The following OR4E2 variants were observed in gnomAD, a reference collection of about 807,000 sequenced individuals.
The protein encoded by OR4E2 is olfactory receptor family 4 subfamily E member 2.
Under a neutral mutation model 11.0 loss-of-function variants are expected in OR4E2, and 9 were observed. The ratio of observed to expected loss-of-function variants is 0.82; its 90% confidence interval spans 0.49 to 1.43. The LOEUF (loss-of-function observed/expected upper bound fraction) is 1.43. OR4E2 is among the 40% of genes most tolerant of loss of function. The pLI is 0.00. For synonymous variants in OR4E2, 159 were observed against 147.3 expected (o/e 1.08, Z -0.57); for missense variants, 441 against 382.0 (o/e 1.15, Z -1.29).
intron 2 of OR4E2, among the ~76,000 whole-genome samples, chr14:21,657,405 C>CCTTT (rs1199005843): frequency 4.8e-4 from 64 of 132,306 alleles, no homozygotes; most frequent in African/African-American, 1.2e-3. Flanking sequence ...TTCCTTCCTT[C>CCTTT]CTTTCTTTCT....
chr14:21,661,343 T>A lies in OR4E2; in HGVS notation c.-9+597T>A, dbSNP rs1880312198. On this transcript the variant is annotated intron_variant, in intron 3 of 3. Coordinates refer to ENST00000641524, the MANE Select transcript of OR4E2 (RefSeq NM_001001912.3). ...ATATGCATGTACATATATGCGTAAA[T>A]ATATATGCATACACACACAAATCTT... Among the ~76,000 whole-genome samples the A allele has an allele frequency of 2.0e-5, 3 of 152,214 alleles. No homozygotes were observed. The South Asian group carries it at 6.2e-4, about 31-fold the overall frequency.
At chr14:21,661,204 T>G (rs1252994002) in intron 3 of OR4E2, among the ~76,000 whole-genome samples, 1 of 152,204 alleles carries the variant, frequency 6.6e-6, no homozygotes, top group East Asian at 1.9e-4. Context: ...ATGTTAAAAT[T>G]GATGTGTGTT....
At chr14:21,657,630 G>A (rs1038415699) in intron 2 of OR4E2, among the ~76,000 whole-genome samples, 31 of 142,132 alleles carry the variant, frequency 2.2e-4, no homozygotes, top group Non-Finnish European at 9.1e-5. Context: ...TGCTCTTGTT[G>A]CCCAGGCTGG....
chr14:21,661,126 T>C (rs1302699502), intron 3 of OR4E2, among the ~76,000 whole-genome samples: 2 of 152,170 alleles, frequency 1.3e-5, no homozygotes. Context: ...TGAACAATTA[T>C]GAATTATAAT....
chr14:21,659,514 GT>G (rs776100065), intron 2 of OR4E2, among the ~76,000 whole-genome samples: 59 of 151,274 alleles, frequency 3.9e-4, no homozygotes, highest in Middle Eastern at 3.2e-3. Flanking sequence ...TAGTTCTTTG[GT>G]TAAGAACGTA....
chr14:21,661,491 T>C (rs1880323604), intron 3 of OR4E2, among the ~76,000 whole-genome samples: 1 of 152,240 alleles, frequency 6.6e-6, no homozygotes, highest in South Asian at 2.1e-4. Flanking sequence ...CAATATGTTA[T>C]TGACATTCCA....
intron 1 of OR4E2, among the ~76,000 whole-genome samples, chr14:21,656,249 A>G (rs1366216653): frequency 2.0e-5 from 3 of 152,008 alleles, no homozygotes; most frequent in Non-Finnish European, 1.5e-5. Flanking sequence ...AGTCCCAGCT[A>G]CTTGGGAGGT....
In OR4E2 at chr14:21,665,595, C is replaced by G. The variant is rs1224824182; in HGVS notation, c.513C>G (p.Pro171=). 6.2e-7 allele frequency: 1 copy of G among 1,614,066 alleles called. No homozygotes were observed. The highest frequency in any genetic ancestry group is 1.3e-5 in the African/African-American group (1 of 75,006). Reference sequence around the variant, plus strand: ...CTATTCGTCTACCTTACTGTGGCCCCAACATTATTGACAGCTACTTCTGTG... The same window carrying G: ...CTATTCGTCTACCTTACTGTGGCCCGAACATTATTGACAGCTACTTCTGTG... ...FLTIRLPYCG[P]NIIDSYFCDV... is the part of the protein sequence containing the mutation. Residue 171 remains proline (P), a synonymous_variant, in exon 4 of 4, where the codon CCC becomes CCG. Transcript: ENST00000641524.
rs554037968 is a variant in OR4E2, at chr14:21,666,076, A to G, written c.*52A>G. ...GCAGCCACATCCTTAATGAAAGAGC[A>G]AAAGTAAAGAGTCAAAATCAACTTA... On this transcript the variant is annotated 3_prime_UTR_variant, in exon 4 of 4. Transcript: ENST00000641524. The G allele has an allele frequency of 7.5e-7, 1 of 1,324,570 alleles. No homozygotes were observed. Among genetic ancestry groups the G allele is most frequent in the Non-Finnish European group, 1.1e-6 (1 of 939,332 alleles). The allele number at this position is 1,324,570 out of a possible 1,614,324, so 82.1% of individuals were successfully genotyped here.
At chr14:21,663,087 T>G (rs1171184387) in intron 3 of OR4E2, among the ~76,000 whole-genome samples, 1 of 152,166 alleles carries the variant, frequency 6.6e-6, no homozygotes, top group African/African-American at 2.4e-5. Context: ...GCCTAAGAAG[T>G]TAGGTTCAGT....
intron 1 of OR4E2, among the ~76,000 whole-genome samples, chr14:21,654,705 G>T (rs540291135): frequency 4.5e-3 from 689 of 151,798 alleles, no homozygotes; most frequent in Non-Finnish European, 7.9e-3. Context: ...AATCCGTGTT[G>T]TTCAAGAGTC....
rs997554312 is a variant in OR4E2, at chr14:21,666,314, T to C, written c.*290T>C. The C allele has an allele frequency of 6.5e-6, 2 of 305,964 alleles. No individual in the cohort carries two copies. Among genetic ancestry groups the C allele is most frequent in the African/African-American group, 4.5e-5 (2 of 44,506 alleles). The allele number at this position is 305,964 out of a possible 1,614,324, so 19.0% of individuals were successfully genotyped here. ...AGTAAAAGAATACAATTTGGGGAAC[T>C]CAGTTCAGTCTCAGTTTCAGGAGCA... On this transcript the variant is annotated 3_prime_UTR_variant, in exon 4 of 4. Transcript: ENST00000641524.
chr14:21,657,645 C>T (rs1880084415), intron 2 of OR4E2, among the ~76,000 whole-genome samples: 1 of 150,558 alleles, frequency 6.6e-6, no homozygotes, highest in Non-Finnish European at 1.5e-5. Context: ...GGCTGGAGCT[C>T]GGTGGCACGA....
rs761575169 is a variant in OR4E2, at chr14:21,665,785, A to G, written c.703A>G (p.Lys235Glu). 5.6e-6 allele frequency: 9 copies of G among 1,613,874 alleles called. No homozygotes were observed. The East Asian group carries it at 1.3e-4, about 24-fold the overall frequency. ...AAAACACTCAGCTGAAGGGCGCCGG[A>G]AAGCCCTGTCTACCTGCTCGGCCCA... The part of the protein sequence containing the change: ...LRKHSAEGRR[K>E]ALSTCSAHFM... The change falls in exon 4 of 4, where the codon AAA becomes GAA. Residue 235 changes from lysine (K) to glutamate (E), a missense_variant. Lys to Glu is a moderately conservative substitution (Grantham distance 56). Transcript: ENST00000641524.
chr14:21,657,443 CCTT>C (rs1880048105), intron 2 of OR4E2, among the ~76,000 whole-genome samples: 1 of 2,974 alleles, frequency 3.4e-4, no homozygotes, highest in South Asian at 0.024. Flanking sequence ...TTCTTTCTTT[CCTT>C]CCTTCCTTCC....
At chr14:21,661,328 A>G (rs1241460970) in intron 3 of OR4E2, among the ~76,000 whole-genome samples, 1 of 152,252 alleles carries the variant, frequency 6.6e-6, no homozygotes, top group Non-Finnish European at 1.5e-5. Flanking sequence ...ATATGCATGT[A>G]CATATATGCG....
At chr14:21,658,268 A>G (rs965585287) in intron 2 of OR4E2, among the ~76,000 whole-genome samples, 1 of 152,140 alleles carries the variant, frequency 6.6e-6, no homozygotes, top group African/African-American at 2.4e-5. Flanking sequence ...GAACCTGTCA[A>G]AGGTTAGAGC....
At chr14:21,664,422 C>T (rs1420661780) in intron 3 of OR4E2, among the ~76,000 whole-genome samples, 1 of 151,982 alleles carries the variant, frequency 6.6e-6, no homozygotes, top group Non-Finnish European at 1.5e-5. Flanking sequence ...TGTTCTTTGC[C>T]CATTTTTAAT....
intron 1 of OR4E2, among the ~76,000 whole-genome samples, chr14:21,654,959 A>G (rs569052713): frequency 6.6e-6 from 1 of 152,294 alleles, no homozygotes; most frequent in South Asian, 2.1e-4. Flanking sequence ...AAGGCCTTCT[A>G]CTGATTACAT....
Sources: allele counts gnomAD v4.1 joint callset (sites outside exome capture counted in the v4.1 genomes callset), GRCh38; gene constraint gnomAD v4.1.1; transcripts MANE v1.5; gene names NCBI Gene and HGNC (gene_info 2026-07-23, HGNC 2026-07-21).